DIXDC1: variants seen among roughly 807,000 people sequenced by gnomAD.
DIXDC1 encodes dixin.
DIXDC1 carries 64 observed loss-of-function variants against 103.1 expected under a neutral mutation model. That is an observed-to-expected ratio of 0.62 (90% CI 0.51 to 0.76). DIXDC1 has a LOEUF of 0.76. DIXDC1 is among the 30% of genes least tolerant of loss of function. The pLI, the probability that DIXDC1 is intolerant of heterozygous loss-of-function variation, is 0.00. For missense variants in DIXDC1, 759 were observed against 834.2 expected (o/e 0.91, Z 1.11); for synonymous variants, 266 against 298.5 (o/e 0.89, Z 1.12).
At chr11:112,010,729 T>G (rs1861389143) in intron 17 of DIXDC1, among the ~76,000 whole-genome samples, 1 of 152,186 alleles carries the variant, frequency 6.6e-6, no homozygotes, top group Non-Finnish European at 1.5e-5. Flanking sequence ...TAAATGGTGC[T>G]GGGAAAACTG....
chr11:111,977,563 C>T lies in DIXDC1; in HGVS notation c.656+2580C>T. Reference sequence around the variant, plus strand: ...GCGCGCTTCAGAGCCTGGAGCATCCCAGTCGCTGGGGCCGAGACGCCGCCG... The same window carrying T: ...GCGCGCTTCAGAGCCTGGAGCATCCTAGTCGCTGGGGCCGAGACGCCGCCG... On this transcript the variant is annotated intron_variant, in intron 5 of 19. Transcript: ENST00000440460. This position sits in a 1 kb window ranked among gnomAD's most constrained non-coding sequence, Gnocchi z 6.1. 1 of 1,485,680 alleles carries T rather than the reference C, an allele frequency of 6.7e-7. No homozygotes were observed. Among genetic ancestry groups the T allele is most frequent in the Admixed American group, 2.3e-5 (1 of 43,602 alleles). The allele number at this position is 1,485,680 out of a possible 1,614,324, so 92.0% of individuals were successfully genotyped here.
intron 17 of DIXDC1, among the ~76,000 whole-genome samples, chr11:111,997,908 C>T (rs1466607097): frequency 3.3e-5 from 5 of 152,222 alleles, no homozygotes; most frequent in South Asian, 2.1e-4. Flanking sequence ...TCTGCCAGCT[C>T]TCTAGCTACT....
In DIXDC1 at chr11:111,968,637, A is replaced by G. The variant is rs368394294; in HGVS notation, c.315A>G (p.Lys105=). ...KKIRMHQTSA[K]DIVDGNLKSI... ...TTCGTATGCACCAGACTTCGGCTAAAGGTCAGTGCCTCATCACATCCTTGG... is the reference window on the plus strand; with the variant it reads ...TTCGTATGCACCAGACTTCGGCTAAGGGTCAGTGCCTCATCACATCCTTGG... Residue 105 remains lysine, a splice_region_variant and synonymous_variant, in exon 3 of 20, where the codon AAA becomes AAG. Coordinates refer to ENST00000440460, the MANE Select transcript of DIXDC1 (RefSeq NM_001037954.4). 5.0e-6 allele frequency: 8 copies of G among 1,606,768 alleles called. No homozygotes were observed. The highest frequency in any genetic ancestry group is 6.8e-6 in the Non-Finnish European group (8 of 1,176,428).
Position 111,992,970 on chromosome 11 carries a change from T to C in DIXDC1, c.1238T>C (p.Leu413Pro). ...HNQNVDLQRK[L>P]DERNRLLGEY... is the part of the protein sequence containing the mutation. ...TTGCAGGTGGATCTGCAGAGGAAGC[T>C]AGATGAGAGGAACCGGCTCTTGGGA... Residue 413 changes from leucine to proline, a missense_variant, in exon 12 of 20, where the codon CTA becomes CCA. Transcript: ENST00000440460. The C allele has an allele frequency of 6.2e-7, 1 of 1,608,820 alleles. No homozygotes were observed.
chr11:111,964,563 C>G lies in DIXDC1; in HGVS notation c.75C>G (p.Ala25=). 2 of 1,604,840 alleles carry G rather than the reference C, an allele frequency of 1.2e-6. No homozygotes were observed. Among genetic ancestry groups the G allele is most frequent in the Non-Finnish European group, 1.7e-6 (2 of 1,175,432 alleles). ...TTATTTTCCAGCAACAGCTGCAGGC[C>G]TATGTGGCCTGGGTGAATGCACAGC... is the stretch of plus-strand genomic sequence containing the variant. ...QEGFNEQQLQ[A]YVAWVNAQLK... Residue 25 remains alanine, a synonymous_variant, in exon 2 of 20, where the codon GCC becomes GCG. Coordinates refer to ENST00000440460, the MANE Select transcript of DIXDC1 (RefSeq NM_001037954.4).
intron 1 of DIXDC1, among the ~76,000 whole-genome samples, chr11:111,946,263 T>C (rs1555169358): frequency 1.3e-5 from 2 of 152,100 alleles, no homozygotes. Flanking sequence ...CGCCTACCAC[T>C]GTGCCCGGCT....
intron 17 of DIXDC1, among the ~76,000 whole-genome samples, chr11:112,006,724 T>C (rs1057020657): frequency 6.6e-6 from 1 of 152,102 alleles, no homozygotes; most frequent in Admixed American, 6.5e-5. Context: ...ACCTGACTGT[T>C]AGAAGGAAAA....
At chr11:112,001,556 A>C (rs1861065480) in intron 17 of DIXDC1, among the ~76,000 whole-genome samples, 1 of 152,156 alleles carries the variant, frequency 6.6e-6, no homozygotes, top group Non-Finnish European at 1.5e-5. Context: ...TCTACCCAAA[A>C]AACAAGAAAA....
At chr11:111,953,041 T>C (rs1357026435) in intron 1 of DIXDC1, among the ~76,000 whole-genome samples, 1 of 152,088 alleles carries the variant, frequency 6.6e-6, no homozygotes, top group Non-Finnish European at 1.5e-5. Flanking sequence ...TAAACCACTT[T>C]GGAGTGATTT....
intron 17 of DIXDC1, among the ~76,000 whole-genome samples, chr11:112,011,234 C>T (rs1337375128): frequency 6.6e-6 from 1 of 152,184 alleles, no homozygotes; most frequent in Non-Finnish European, 1.5e-5. Context: ...CAGAGAAATG[C>T]AAATCAGAAC....
intron 10 of DIXDC1, among the ~76,000 whole-genome samples, chr11:111,990,125 C>CAGAG (rs1860654518): frequency 7.2e-6 from 1 of 139,274 alleles, no homozygotes; most frequent in South Asian, 2.4e-4. Context: ...GAGTCTCACT[C>CAGAG]TGTCGCCCAA....
intron 17 of DIXDC1, among the ~76,000 whole-genome samples, chr11:112,002,233 G>A (rs1861090544): frequency 6.8e-6 from 1 of 148,142 alleles, no homozygotes; most frequent in African/African-American, 2.5e-5. Flanking sequence ...CCTTTTATCA[G>A]AAAGACATTT....
At chr11:111,990,994 C>G (rs1860694910) in intron 10 of DIXDC1, among the ~76,000 whole-genome samples, 1 of 152,138 alleles carries the variant, frequency 6.6e-6, no homozygotes, top group South Asian at 2.1e-4. Flanking sequence ...TGTGAGCCAC[C>G]ATGCCGAGCC....
At chr11:111,983,224 C>T (rs1476108854) in intron 7 of DIXDC1, among the ~76,000 whole-genome samples, 1 of 152,182 alleles carries the variant, frequency 6.6e-6, no homozygotes, top group Non-Finnish European at 1.5e-5. Context: ...TCTGAATTGT[C>T]AAATATTTAT....
chr11:111,997,113 A>G (rs1860926724), intron 17 of DIXDC1, among the ~76,000 whole-genome samples: 1 of 152,220 alleles, frequency 6.6e-6, no homozygotes, highest in African/African-American at 2.4e-5. Context: ...CTAATAATTT[A>G]TAAAAACCAA....
Position 112,017,275 on chromosome 11 carries a change from A to T in DIXDC1, c.1862+479A>T, listed in dbSNP as rs1441526056. On this transcript the variant is annotated intron_variant, in intron 18 of 19. Coordinates refer to ENST00000440460, the MANE Select transcript of DIXDC1 (RefSeq NM_001037954.4). The surrounding 1 kb of genome is among the most constrained non-coding windows in gnomAD (Gnocchi z 4.0). ...AGGGAAATGGTTTTGAAATAGAAAT[A>T]TTTAAACTCTGCAACCAACTATTGA... Among the ~76,000 whole-genome samples, 1 of 152,148 alleles carries T rather than the reference A, an allele frequency of 6.6e-6. No homozygotes were observed. The highest frequency in any genetic ancestry group is 6.5e-5 in the Admixed American group (1 of 15,268).
chr11:111,975,695 A>G (rs1555172536), intron 5 of DIXDC1: 1 of 985,470 alleles, frequency 1.0e-6, no homozygotes, highest in African/African-American at 1.7e-5. Flanking sequence ...TTTATGCTCT[A>G]ATGACCTTTT....
At position 112,000,176 on chromosome 11, in the gene DIXDC1, G is replaced by T. The variant is rs1021060475; in HGVS notation, c.1756+4030G>T. ...AAATAAAATAAATAAATAGATAAAA[G>T]ATAAAATTGGACTTCATCAAAATTA... is the stretch of plus-strand genomic sequence containing the variant. On this transcript the variant is annotated intron_variant, in intron 17 of 19. Coordinates refer to ENST00000440460, the MANE Select transcript of DIXDC1 (RefSeq NM_001037954.4). Among the ~76,000 whole-genome samples, 7 of 151,856 alleles carry T rather than the reference G, an allele frequency of 4.6e-5. No homozygotes were observed. In the East Asian group the frequency reaches 1.4e-3, roughly 29 times the overall value.
At chr11:111,982,876 G>A (rs587607828) in intron 7 of DIXDC1, among the ~76,000 whole-genome samples, 276 of 152,368 alleles carry the variant, frequency 1.8e-3, no homozygotes, top group African/African-American at 6.4e-3. Flanking sequence ...CTAGCAGGAA[G>A]AGTGTAAGAG....
Sources: allele counts gnomAD v4.1 joint callset (sites outside exome capture counted in the v4.1 genomes callset), GRCh38; gene constraint gnomAD v4.1.1; non-coding constraint Gnocchi (gnomAD v3.1); transcripts MANE v1.5; gene names NCBI Gene and HGNC (gene_info 2026-07-23, HGNC 2026-07-21).